Variants in NEK11 observed in about 807,000 individuals in gnomAD.
NEK11 encodes serine/threonine-protein kinase Nek11.
NEK11 carries 72 observed loss-of-function variants against 80.7 expected under a neutral mutation model. The observed-to-expected ratio is 0.89, with a 90% CI of 0.74 to 1.08. The LOEUF is 1.08. Among genes scored for constraint, NEK11 ranks in the 50% least tolerant of loss-of-function variants. NEK11 has a pLI of 0.00. For missense variants in NEK11, 764 were observed against 763.6 expected, an observed-to-expected ratio of 1.00 and a Z score of -0.01; for synonymous variants, 251 against 260.7, an observed-to-expected ratio of 0.96 and a Z score of 0.36.
At chr3:131,321,768 G>A (rs545290337) in intron 17 of NEK11, among the ~76,000 whole-genome samples, 5 of 152,008 alleles carry the variant, frequency 3.3e-5, no homozygotes, top group Non-Finnish European at 7.4e-5. Context: ...TCAGAGAAAT[G>A]GAAATCAAAA....
chr3:131,033,683 A>G (rs955494000), intron 3 of NEK11, among the ~76,000 whole-genome samples: 9 of 152,222 alleles, frequency 5.9e-5, no homozygotes, highest in African/African-American at 2.2e-4. Context: ...TCACTTTACC[A>G]TTGACATTTT....
At chr3:131,154,116 G>A (rs1442979292) in intron 9 of NEK11, among the ~76,000 whole-genome samples, 1 of 152,126 alleles carries the variant, frequency 6.6e-6, no homozygotes, top group East Asian at 1.9e-4. Flanking sequence ...TCATGGGGAA[G>A]GCTAGACAGG....
intron 3 of NEK11, among the ~76,000 whole-genome samples, 189 bp downstream of exon 3, chr3:131,030,067 C>T (rs1023073851): frequency 6.6e-6 from 1 of 152,270 alleles, no homozygotes; most frequent in East Asian, 1.9e-4. Flanking sequence ...TGGCAAAACC[C>T]TGTCTCTACT....
chr3:131,145,647 A>G (rs570340730), intron 7 of NEK11, among the ~76,000 whole-genome samples: 2 of 152,224 alleles, frequency 1.3e-5, no homozygotes, highest in South Asian at 2.1e-4. Context: ...TTCCAACTCA[A>G]GAGAGACTTT....
At chr3:131,328,427 A>G (rs1234516771) in intron 17 of NEK11, 1 of 152,212 alleles carries the variant, frequency 6.6e-6, no homozygotes, top group African/African-American at 2.4e-5. Flanking sequence ...TAACTCAGAA[A>G]GGTCCTCTGC....
At chr3:131,332,083 G>C (rs532260429) in intron 17 of NEK11, among the ~76,000 whole-genome samples, 3 of 152,340 alleles carry the variant, frequency 2.0e-5, no homozygotes, top group African/African-American at 7.2e-5. Context: ...AGAATTAAAC[G>C]TCCCGGTCTG....
At chr3:131,170,233 T>A (rs1039925930) in intron 13 of NEK11, among the ~76,000 whole-genome samples, 1 of 152,218 alleles carries the variant, frequency 6.6e-6, no homozygotes, top group Non-Finnish European at 1.5e-5. Flanking sequence ...TTGAAATACC[T>A]ATTGATTTTG....
chr3:131,103,320 T>C (rs888143536), intron 4 of NEK11, among the ~76,000 whole-genome samples: 4 of 152,212 alleles, frequency 2.6e-5, no homozygotes, highest in African/African-American at 9.6e-5. Flanking sequence ...GTGGTGTAAA[T>C]TGAGTATAGT....
intron 11 of NEK11, among the ~76,000 whole-genome samples, chr3:131,163,099 G>T (rs1239865358): frequency 6.6e-6 from 1 of 152,168 alleles, no homozygotes; most frequent in Non-Finnish European, 1.5e-5. Context: ...GTGTTAGCCA[G>T]GATGTAGAGA....
At chr3:131,050,783 C>G (rs569562684) in intron 3 of NEK11, among the ~76,000 whole-genome samples, 5 of 152,284 alleles carry the variant, frequency 3.3e-5, no homozygotes, top group African/African-American at 1.2e-4. Context: ...AATCCCAACA[C>G]TTTGGGAGGC....
chr3:131,166,697 C>A (rs975786116), intron 12 of NEK11, among the ~76,000 whole-genome samples: 4 of 152,120 alleles, frequency 2.6e-5, no homozygotes, highest in African/African-American at 9.7e-5. Flanking sequence ...TTGCAGGCTA[C>A]AGAGAATTGG....
chr3:131,237,552 C>T (rs894182720), intron 15 of NEK11, among the ~76,000 whole-genome samples: 8 of 152,056 alleles, frequency 5.3e-5, no homozygotes, highest in African/African-American at 1.9e-4. Flanking sequence ...GTTCTATTTT[C>T]GCAGAACTCT....
chr3:131,212,492 G>T (rs528776471), intron 14 of NEK11, among the ~76,000 whole-genome samples: 1 of 152,056 alleles, frequency 6.6e-6, no homozygotes, highest in African/African-American at 2.4e-5. Context: ...CTCAAACTCC[G>T]TGCTTGGAGA....
chr3:131,270,844 C>A (rs1182253826), intron 16 of NEK11, among the ~76,000 whole-genome samples: 2 of 152,136 alleles, frequency 1.3e-5, no homozygotes, highest in Admixed American at 1.3e-4. Context: ...GTCTTCAAAA[C>A]TTGCCAGCTC....
intron 17 of NEK11, among the ~76,000 whole-genome samples, chr3:131,320,055 A>C (rs2109704085): frequency 6.6e-6 from 1 of 152,138 alleles, no homozygotes; most frequent in African/African-American, 2.4e-5. Flanking sequence ...TCAACATAAA[A>C]CCTGTGATTT....
intron 12 of NEK11, among the ~76,000 whole-genome samples, chr3:131,168,483 A>G (rs1396370755): frequency 6.7e-6 from 1 of 149,418 alleles, no homozygotes; most frequent in Non-Finnish European, 1.5e-5. Context: ...CAGCCTCCCA[A>G]GTAGCTGGGA....
intron 17 of NEK11, among the ~76,000 whole-genome samples, chr3:131,307,925 A>T (rs1178376344): frequency 1.3e-5 from 2 of 152,234 alleles, no homozygotes; most frequent in Non-Finnish European, 2.9e-5. Flanking sequence ...AAGTACCTAG[A>T]GAATTTATAA....
At chr3:131,086,718 G>A (rs1272809615) in intron 4 of NEK11, among the ~76,000 whole-genome samples, 3 of 152,142 alleles carry the variant, frequency 2.0e-5, no homozygotes, top group African/African-American at 7.2e-5. Flanking sequence ...CAGGGGTATT[G>A]GGATAGATGC....
chr3:131,260,804 A>T (rs1389432407), intron 16 of NEK11, among the ~76,000 whole-genome samples: 1 of 152,204 alleles, frequency 6.6e-6, no homozygotes, highest in Non-Finnish European at 1.5e-5. Context: ...TAGGAAATTC[A>T]GAGCAAGACG....
Sources: gnomAD v4.1 joint callset for allele counts (sites outside exome capture counted in the v4.1 genomes callset) on GRCh38, gnomAD v4.1.1 for gene constraint, MANE v1.5 for transcripts, NCBI Gene and HGNC (gene_info 2026-07-23, HGNC 2026-07-21) for gene names.